The following BRCC3 variants were observed in gnomAD, a reference collection of about 807,000 sequenced individuals.
The protein encoded by BRCC3 is BRCA1/BRCA2-containing complex subunit 3, also known as lys-63-specific deubiquitinase BRCC36.
Under a neutral mutation model 28.0 loss-of-function variants are expected in BRCC3, and 15 were observed. The ratio of observed to expected loss-of-function variants is 0.54; its 90% CI spans 0.36 to 0.82. The LOEUF is 0.82. BRCC3 is among the 40% of genes least tolerant of loss of function. The pLI, the probability that BRCC3 is intolerant of heterozygous loss-of-function variation, is 0.01. For synonymous variants in BRCC3, 66 were observed against 80.3 expected (o/e 0.82, Z 0.95); for missense variants, 109 against 225.9 (o/e 0.48, Z 3.32).
rs151037646 is a variant in BRCC3, at chrX:155,083,257, G to A, written c.403+4554G>A. 2.2e-4 allele frequency among the ~76,000 whole-genome samples: 25 copies of A among 112,473 alleles called. No individual in the cohort carries two copies. The East Asian group carries it at 6.7e-3, about 30-fold the overall frequency. ...AATTGGGAAGCTGTGCATGTTCCAT[G>A]ATATCTCTGATCAGTATGCTCCTAC... On this transcript the variant is annotated intron_variant, in intron 5 of 10. Coordinates refer to ENST00000330045, the MANE Select transcript of BRCC3 (RefSeq NM_001018055.3).
chrX:155,086,044 A>G (rs1213842691), intron 5 of BRCC3, among the ~76,000 whole-genome samples: 3 of 111,315 alleles, frequency 2.7e-5, no homozygotes, highest in African/African-American at 9.8e-5. Context: ...GAGTGATAGG[A>G]CGTACCCTGC....
intron 7 of BRCC3, chrX:155,099,249 G>A: frequency 8.7e-7 from 1 of 1,143,677 alleles, no homozygotes; most frequent in Admixed American, 2.4e-5. Context: ...GGGCTCTGCA[G>A]TGTCATCAGG....
intron 5 of BRCC3, among the ~76,000 whole-genome samples, chrX:155,084,217 C>G (rs1415296515): frequency 8.9e-6 from 1 of 112,298 alleles, no homozygotes; most frequent in African/African-American, 3.2e-5. Flanking sequence ...AGACTTGGTA[C>G]TGTTTGTAGA....
intron 3 of BRCC3, among the ~76,000 whole-genome samples, chrX:155,074,376 C>G (rs1557293076): frequency 1.8e-5 from 2 of 112,221 alleles, no homozygotes; most frequent in Non-Finnish European, 3.8e-5. Context: ...GTCAAACCCA[C>G]TGAGGTCTGG....
chrX:155,111,665 CAT>C (rs1375275342), intron 7 of BRCC3, among the ~76,000 whole-genome samples: 1 of 111,723 alleles, frequency 9.0e-6, no homozygotes, highest in African/African-American at 3.2e-5. Flanking sequence ...TAGAAGAAAA[CAT>C]AGGGGTACAT....
intron 3 of BRCC3, among the ~76,000 whole-genome samples, chrX:155,074,021 A>G (rs188242487): frequency 9.0e-6 from 1 of 111,633 alleles, no homozygotes; most frequent in East Asian, 2.8e-4. Context: ...CCTCCCACCA[A>G]GTTATCAGGC....
At chrX:155,085,435 C>G (rs2074116578) in intron 5 of BRCC3, among the ~76,000 whole-genome samples, 1 of 112,260 alleles carries the variant, frequency 8.9e-6, no homozygotes, top group Non-Finnish European at 1.9e-5. Context: ...CTCTGCCGTA[C>G]TTGCCATACA....
In BRCC3 at chrX:155,087,500, G is replaced by A. The variant is rs150564982; in HGVS notation, c.404-1763G>A. Reference sequence around the variant, plus strand: ...CTGTCAGACGGCAACTTAGATCTATGGTTCTGGAGTTCTGGGACTAGAGTT... The same window carrying A: ...CTGTCAGACGGCAACTTAGATCTATAGTTCTGGAGTTCTGGGACTAGAGTT... On this transcript the variant is annotated intron_variant, in intron 5 of 10. Coordinates refer to ENST00000330045, the MANE Select transcript of BRCC3 (RefSeq NM_001018055.3). Among the ~76,000 whole-genome samples the A allele has an allele frequency of 4.5e-5, 5 of 112,116 alleles. No individual in the cohort carries two copies. The East Asian group carries it at 1.4e-3, about 31-fold the overall frequency.
chrX:155,111,204 T>A (rs1161522524), intron 7 of BRCC3, among the ~76,000 whole-genome samples: 3 of 111,527 alleles, frequency 2.7e-5, no homozygotes, highest in Non-Finnish European at 5.7e-5. Flanking sequence ...CAAATGTAAA[T>A]TTTACAACTG....
At chrX:155,098,539 G>A (rs1205327568) in intron 7 of BRCC3, among the ~76,000 whole-genome samples, 2 of 111,987 alleles carry the variant, frequency 1.8e-5, no homozygotes, top group African/African-American at 6.5e-5. Flanking sequence ...TTGGCCTGGG[G>A]CCTACATTTG....
chrX:155,120,263 T>C (rs1188353175), intron 10 of BRCC3, 95 bp downstream of exon 10: 2 of 657,901 alleles, frequency 3.0e-6, no homozygotes, highest in East Asian at 3.2e-5. Flanking sequence ...ATTTTTCACA[T>C]GCAATCAGCA....
intron 5 of BRCC3, among the ~76,000 whole-genome samples, chrX:155,087,855 C>T (rs936523946): frequency 2.0e-4 from 22 of 111,647 alleles, no homozygotes; most frequent in Non-Finnish European, 2.8e-4. Flanking sequence ...GTAGTTGTTA[C>T]CAGTGGTTGT....
At position 155,122,298 on chromosome X, in the gene BRCC3, C is replaced by T. The variant is rs1246260209; in HGVS notation, c.*1094C>T. On this transcript the variant is annotated 3_prime_UTR_variant, in exon 11 of 11. Transcript: ENST00000330045. ...CAGGGAATGCAAATTGAAACCACAGCGAGGCTATGACTTACTTATCTCAAT... is the reference window on the plus strand; with the variant it reads ...CAGGGAATGCAAATTGAAACCACAGTGAGGCTATGACTTACTTATCTCAAT... 1 of 111,449 alleles carries T rather than the reference C, an allele frequency of 9.0e-6. No individual in the cohort carries two copies. The highest frequency in any genetic ancestry group is 9.5e-5 in the Admixed American group (1 of 10,537). The allele number at this position is 111,449 out of a possible 1,213,427, so 9.2% of individuals were successfully genotyped here. A position where few individuals can be genotyped will look rare whatever the true frequency, so the allele number is the denominator to read the frequency against.
chrX:155,099,665 A>G (rs2074235126), intron 7 of BRCC3, among the ~76,000 whole-genome samples: 1 of 112,218 alleles, frequency 8.9e-6, no homozygotes, highest in African/African-American at 3.2e-5. Flanking sequence ...TATGTATTAT[A>G]GTTCTTGTTA....
chrX:155,073,867 A>T (rs1466596114), intron 3 of BRCC3, among the ~76,000 whole-genome samples: 1 of 111,443 alleles, frequency 9.0e-6, no homozygotes, highest in Non-Finnish European at 1.9e-5. Context: ...GCACTCCTAC[A>T]CCATCTTTTG....
intron 2 of BRCC3, 49 bp from the exon 3 acceptor site, chrX:155,073,328 A>G (rs781905422): frequency 5.0e-5 from 57 of 1,135,405 alleles, no homozygotes; most frequent in Non-Finnish European, 6.7e-5. Flanking sequence ...ATTCCTTTTT[A>G]TATTCCAAAC....
At chrX:155,075,930 G>C (rs370695541) in intron 3 of BRCC3, among the ~76,000 whole-genome samples, 2 of 111,674 alleles carry the variant, frequency 1.8e-5, no homozygotes. Context: ...ACTTCCATTC[G>C]GCACCTGTAG....
chrX:155,093,847 CTCTTT>C (rs1165199074), intron 7 of BRCC3, among the ~76,000 whole-genome samples: 1 of 109,618 alleles, frequency 9.1e-6, no homozygotes, highest in Non-Finnish European at 1.9e-5. Context: ...TATTTTCTGT[CTCTTT>C]TATTTTGTTC....
intron 7 of BRCC3, among the ~76,000 whole-genome samples, chrX:155,100,379 A>G (rs782473027): frequency 1.2e-4 from 14 of 112,192 alleles, no homozygotes; most frequent in Non-Finnish European, 2.6e-4. Context: ...AGAAGAAAAA[A>G]CCTTTAGTCT....
Sources: gnomAD v4.1 joint callset for allele counts (sites outside exome capture counted in the v4.1 genomes callset) on GRCh38, gnomAD v4.1.1 for gene constraint, MANE v1.5 for transcripts, NCBI Gene and HGNC (gene_info 2026-07-23, HGNC 2026-07-21) for gene names.